Variants in ESM1 observed in about 807,000 individuals in gnomAD.
ESM1 encodes the protein endothelial cell specific molecule 1.
ESM1 carries 7 observed loss-of-function variants against 14.9 expected under a neutral mutation model. The ratio of observed to expected loss-of-function variants is 0.47; its 90% CI spans 0.27 to 0.88. The LOEUF (loss-of-function observed/expected upper bound fraction) is 0.88. Ranked by LOEUF, ESM1 falls within the 40% of genes least tolerant of loss-of-function variation. The pLI, the probability that ESM1 is intolerant of heterozygous loss-of-function variation, is 0.14. For synonymous variants in ESM1, 89 were observed against 89.4 expected (o/e 1.00, Z 0.02); for missense variants, 192 against 237.9 (o/e 0.81, Z 1.27).
chr5:54,983,563 A>T (rs1740439058), intron 1 of ESM1, among the ~76,000 whole-genome samples: 1 of 152,200 alleles, frequency 6.6e-6, no homozygotes, highest in African/African-American at 2.4e-5. Flanking sequence ...AAGAAGGGAG[A>T]TGATTGCCAA....
intron 1 of ESM1, 34 bp from the exon 2 acceptor site, chr5:54,982,180 C>T (rs1428962506): frequency 1.2e-6 from 2 of 1,609,294 alleles, no homozygotes; most frequent in Non-Finnish European, 8.5e-7. Flanking sequence ...GAGGACGCTG[C>T]TTGTTGTAAA....
chr5:54,981,765 A>C (rs546967253), intron 2 of ESM1, among the ~76,000 whole-genome samples: 1 of 152,330 alleles, frequency 6.6e-6, no homozygotes, highest in East Asian at 1.9e-4. Context: ...ATCATATTTA[A>C]ACCAGGTAAA....
At chr5:54,981,891 T>A (rs1193966246) in intron 2 of ESM1, 106 bp downstream of exon 2, 1 of 1,232,304 alleles carries the variant, frequency 8.1e-7, no homozygotes, top group Non-Finnish European at 1.2e-6. Flanking sequence ...GCAAAGGAAA[T>A]AAAATCATTC....
chr5:54,982,026 T>G lies in ESM1; in HGVS notation c.422A>C (p.Lys141Thr). ...KFPFFQYSVT[K>T]SSNRFVSLTE... is the part of the protein sequence containing the mutation. ...GAGAGAAACAAATCTGTTGGAAGAC[T>G]TGGTTACTGAATATTGGAAGAAGGG... is the stretch of plus-strand genomic sequence containing the variant. The change falls in exon 2 of 3, where the codon AAG becomes ACG. Residue 141 changes from lysine to threonine, a missense_variant. Physicochemically the swap from Lys to Thr is moderately conservative, Grantham distance 78. Transcript: ENST00000381405. 1 of 1,614,198 alleles carries G rather than the reference T, an allele frequency of 6.2e-7. No individual in the cohort carries two copies. The highest frequency in any genetic ancestry group is 8.5e-7 in the Non-Finnish European group (1 of 1,180,020).
chr5:54,984,096 T>A (rs888151531), intron 1 of ESM1, among the ~76,000 whole-genome samples: 1 of 152,182 alleles, frequency 6.6e-6, no homozygotes, highest in East Asian at 1.9e-4. Flanking sequence ...TTTGTTTTTT[T>A]AATTTTGTAT....
chr5:54,983,491 A>T (rs1374761319), intron 1 of ESM1, among the ~76,000 whole-genome samples: 2 of 152,214 alleles, frequency 1.3e-5, no homozygotes, highest in African/African-American at 4.8e-5. Flanking sequence ...GAATATTTAG[A>T]AGACATTTGG....
intron 2 of ESM1, among the ~76,000 whole-genome samples, chr5:54,981,140 TA>T (rs1222789457): frequency 6.6e-6 from 1 of 152,214 alleles, no homozygotes; most frequent in Non-Finnish European, 1.5e-5. Flanking sequence ...CATCACCTCA[TA>T]TACTTATTTT....
chr5:54,983,855 T>C (rs1015292320), intron 1 of ESM1, among the ~76,000 whole-genome samples: 2 of 152,238 alleles, frequency 1.3e-5, no homozygotes, highest in Non-Finnish European at 2.9e-5. Context: ...ATATACATGC[T>C]ATATCATAAG....
chr5:54,983,385 C>T (rs1485095433), intron 1 of ESM1, among the ~76,000 whole-genome samples: 2 of 152,174 alleles, frequency 1.3e-5, no homozygotes, highest in African/African-American at 4.8e-5. Context: ...TAGTGTATCC[C>T]CTGATGTACT....
rs1276918718 is a variant in ESM1, at chr5:54,978,762, T to C, written c.*570A>G. 1 of 151,370 alleles carries C rather than the reference T, an allele frequency of 6.6e-6. No individual in the cohort carries two copies. Among genetic ancestry groups the C allele is most frequent in the Non-Finnish European group, 1.5e-5 (1 of 67,952 alleles). The allele number at this position is 151,370 out of a possible 1,614,324, so 9.4% of individuals were successfully genotyped here. A position where few individuals can be genotyped will look rare whatever the true frequency, so the allele number is the denominator to read the frequency against. ...AAGCTGTTTGTTACTCAAATTTCCA[T>C]AAGCTTCAAACATCTTACTTCCTTC... is the stretch of plus-strand genomic sequence containing the variant. On this transcript the variant is annotated 3_prime_UTR_variant, in exon 3 of 3. Transcript: ENST00000381405.
chr5:54,983,590 T>C (rs1314346506), intron 1 of ESM1, among the ~76,000 whole-genome samples: 1 of 152,214 alleles, frequency 6.6e-6, no homozygotes, highest in Non-Finnish European at 1.5e-5. Context: ...TATCTCTATC[T>C]CGAGTTGCTA....
Position 54,979,295 on chromosome 5 carries a change from C to T in ESM1, c.*37G>A, listed in dbSNP as rs368022597. The T allele has an allele frequency of 1.4e-5, 21 of 1,478,258 alleles. No homozygotes were observed. Among genetic ancestry groups the T allele is most frequent in the African/African-American group, 5.5e-5 (4 of 72,094 alleles). 91.6% of individuals were successfully genotyped at this position (1,478,258 alleles called of 1,614,324 possible). On this transcript the variant is annotated 3_prime_UTR_variant, in exon 3 of 3. Transcript: ENST00000381405. Reference sequence around the variant, plus strand: ...ATGTTGGCTGTGTGTTGAACAATCACGAAAATAGAGCCTTCTCTCAGAAAT... The same window carrying T: ...ATGTTGGCTGTGTGTTGAACAATCATGAAAATAGAGCCTTCTCTCAGAAAT...
chr5:54,980,912 T>C (rs1433787001), intron 2 of ESM1, among the ~76,000 whole-genome samples: 3 of 152,216 alleles, frequency 2.0e-5, no homozygotes, highest in Admixed American at 6.5e-5. Flanking sequence ...TAAAATGGAC[T>C]TGAATTGTTA....
chr5:54,983,627 CA>C (rs771692735), intron 1 of ESM1, among the ~76,000 whole-genome samples: 1 of 152,136 alleles, frequency 6.6e-6, no homozygotes, highest in Non-Finnish European at 1.5e-5. Flanking sequence ...CTATTTCCAG[CA>C]GAGAGAAAAA....
rs1744049923 is a variant in ESM1 at position 54,981,449 on chromosome 5, A to AT, written c.451+547_451+548insA. ...ATTACTACAGTTTCATTCATTTCCA[A>AT]AATTTCAATCACATACTATTTCTTA... On this transcript the variant is annotated intron_variant, in intron 2 of 2. Transcript: ENST00000381405. Among the ~76,000 whole-genome samples, 6 of 152,352 alleles carry AT rather than the reference A, an allele frequency of 3.9e-5. No individual in the cohort carries two copies. In the South Asian group the frequency reaches 1.2e-3, roughly 32 times the overall value.
In ESM1 at chr5:54,979,478, C is replaced by T. The variant is rs1744009829; in HGVS notation, c.452-43G>A. Reference sequence around the variant, plus strand: ...ACAAATCATGTCCAAACATCTATAGCTCAAAGACAACACAGTTTTGCTTTA... The same window carrying T: ...ACAAATCATGTCCAAACATCTATAGTTCAAAGACAACACAGTTTTGCTTTA... On this transcript the variant is annotated intron_variant, in intron 2 of 2. Coordinates refer to ENST00000381405, the MANE Select transcript of ESM1 (RefSeq NM_007036.5). The T allele has an allele frequency of 4.6e-6, 6 of 1,297,562 alleles. No homozygotes were observed. The East Asian group carries it at 1.2e-4, about 25-fold the overall frequency. 80.4% of individuals were successfully genotyped at this position (1,297,562 alleles called of 1,614,324 possible).
At chr5:54,983,387 T>C (rs1740433799) in intron 1 of ESM1, among the ~76,000 whole-genome samples, 1 of 152,244 alleles carries the variant, frequency 6.6e-6, no homozygotes, top group African/African-American at 2.4e-5. Flanking sequence ...GTGTATCCCC[T>C]GATGTACTGA....
chr5:54,985,429 T>G lies in ESM1; in HGVS notation c.89A>C (p.Gln30Pro), dbSNP rs770023544. The part of the protein sequence containing the change: ...WSNNYAVDCP[Q>P]HCDSSECKSS... Reference sequence around the variant, plus strand: ...TTTGCACTCACTGCTGTCACAGTGTTGAGGGCAGTCCACCGCATAATTATT... The same window carrying G: ...TTTGCACTCACTGCTGTCACAGTGTGGAGGGCAGTCCACCGCATAATTATT... Residue 30 changes from glutamine to proline, a missense_variant, in exon 1 of 3, where the codon CAA becomes CCA. Transcript: ENST00000381405. 6.2e-7 allele frequency: 1 copy of G among 1,614,114 alleles called. No individual in the cohort carries two copies. The highest frequency in any genetic ancestry group is 1.7e-5 in the Admixed American group (1 of 60,026).
Position 54,982,003 on chromosome 5 carries a change from G to C in ESM1, c.445C>G (p.Leu149Val), listed in dbSNP as rs958423934. The C allele has an allele frequency of 1.9e-6, 3 of 1,614,082 alleles. No homozygotes were observed. Among genetic ancestry groups the C allele is most frequent in the African/African-American group, 1.3e-5 (1 of 75,060 alleles). ...VTKSSNRFVS[L>V]TEHDMASGDG... The stretch of plus-strand genomic sequence containing the variant: ...TACCAGAATCAGTGCTTACCCGTGA[G>C]AGAAACAAATCTGTTGGAAGACTTG... The change falls in exon 2 of 3, where the codon CTC becomes GTC. Residue 149 changes from leucine to valine, a missense_variant. Coordinates refer to ENST00000381405, the MANE Select transcript of ESM1 (RefSeq NM_007036.5).
Sources: allele counts gnomAD v4.1 joint callset (sites outside exome capture counted in the v4.1 genomes callset), GRCh38; gene constraint gnomAD v4.1.1; transcripts MANE v1.5; gene names NCBI Gene and HGNC (gene_info 2026-07-23, HGNC 2026-07-21).